The following DIAPH3 variants were observed in gnomAD, a reference collection of about 807,000 sequenced individuals.
The protein encoded by DIAPH3 is protein diaphanous homolog 3.
A neutral mutation model predicts 144.3 loss-of-function variants in DIAPH3; 117 were observed. The ratio of observed to expected loss-of-function variants is 0.81; its 90% CI spans 0.70 to 0.95. The LOEUF is 0.95. Ranked by LOEUF, DIAPH3 falls within the 40% of genes least tolerant of loss-of-function variation. The pLI, the probability that DIAPH3 is intolerant of heterozygous loss-of-function variation, is 0.00. For synonymous variants in DIAPH3, 519 were observed against 488.9 expected, an observed-to-expected ratio of 1.06 and a Z score of -0.81; for missense variants, 1,421 against 1,412.7, an observed-to-expected ratio of 1.01 and a Z score of -0.09.
At chr13:59,685,804 A>G (rs1251688585) in intron 27 of DIAPH3, among the ~76,000 whole-genome samples, 2 of 152,150 alleles carry the variant, frequency 1.3e-5, no homozygotes, top group South Asian at 4.1e-4. Flanking sequence ...ACAGGCTTAA[A>G]GATTTTGTAG....
intron 2 of DIAPH3, among the ~76,000 whole-genome samples, chr13:60,123,048 G>C (rs368051290): frequency 6.6e-6 from 1 of 151,920 alleles, no homozygotes; most frequent in Non-Finnish European, 1.5e-5. Flanking sequence ...ATCAATAATC[G>C]CTTTCTACTT....
intron 20 of DIAPH3, among the ~76,000 whole-genome samples, chr13:59,888,907 G>C (rs2045617547): frequency 6.6e-6 from 1 of 151,776 alleles, no homozygotes; most frequent in Admixed American, 6.6e-5. Context: ...TGAGCTTCTT[G>C]CATTTTAAAC....
intron 4 of DIAPH3, among the ~76,000 whole-genome samples, chr13:60,058,277 A>T (rs569659944): frequency 2.0e-5 from 3 of 151,710 alleles, no homozygotes; most frequent in African/African-American, 2.4e-5. Context: ...ATAAATGGAC[A>T]AAAAAAATGA....
intron 5 of DIAPH3, among the ~76,000 whole-genome samples, chr13:60,019,775 G>C (rs1474759035): frequency 1.3e-5 from 2 of 152,084 alleles, no homozygotes; most frequent in Non-Finnish European, 2.9e-5. Flanking sequence ...CATGTTGTTG[G>C]CTTTAATACA....
At chr13:59,867,749 T>C (rs1186239362) in intron 21 of DIAPH3, among the ~76,000 whole-genome samples, 2 of 152,068 alleles carry the variant, frequency 1.3e-5, no homozygotes, top group African/African-American at 4.8e-5. Context: ...ACTGCCCCCT[T>C]TTTCCTGCAA....
At chr13:59,677,694 A>G (rs1486437515) in intron 27 of DIAPH3, among the ~76,000 whole-genome samples, 1 of 152,140 alleles carries the variant, frequency 6.6e-6, no homozygotes, top group Non-Finnish European at 1.5e-5. Context: ...GCTATTACCT[A>G]TACATTATGT....
chr13:59,883,756 A>G (rs1407922153), intron 20 of DIAPH3, among the ~76,000 whole-genome samples: 1 of 151,468 alleles, frequency 6.6e-6, no homozygotes, highest in Non-Finnish European at 1.5e-5. Flanking sequence ...ACAATTTACA[A>G]ACCATCTGGA....
chr13:59,868,942 A>G (rs936781765), intron 21 of DIAPH3, among the ~76,000 whole-genome samples: 2 of 152,196 alleles, frequency 1.3e-5, no homozygotes, highest in African/African-American at 4.8e-5. Context: ...AAATGAATAT[A>G]CCACAGTTTA....
intron 10 of DIAPH3, 56 bp downstream of exon 10, chr13:59,992,417 C>G (rs2051884377): frequency 1.4e-6 from 2 of 1,386,016 alleles, no homozygotes; most frequent in Admixed American, 1.9e-5. Flanking sequence ...TAAATTTCCC[C>G]CTACTCAAGT....
chr13:59,847,606 C>T (rs2042719582), intron 22 of DIAPH3, among the ~76,000 whole-genome samples: 1 of 152,148 alleles, frequency 6.6e-6, no homozygotes, highest in Non-Finnish European at 1.5e-5. Context: ...ATAAGAGGTG[C>T]ATAACAGAAA....
At chr13:60,117,913 AT>A (rs1368032525) in intron 2 of DIAPH3, among the ~76,000 whole-genome samples, 3 of 152,150 alleles carry the variant, frequency 2.0e-5, no homozygotes, top group African/African-American at 7.2e-5. Flanking sequence ...ATAATTTTAT[AT>A]GAAATTCTCC....
chr13:59,978,542 C>T (rs952323826), intron 14 of DIAPH3, among the ~76,000 whole-genome samples: 3 of 151,662 alleles, frequency 2.0e-5, no homozygotes, highest in Admixed American at 2.0e-4. Flanking sequence ...ATAATGAGTA[C>T]ATTCTAAGAA....
At chr13:59,757,679 C>G (rs567200638) in intron 27 of DIAPH3, among the ~76,000 whole-genome samples, 1 of 152,144 alleles carries the variant, frequency 6.6e-6, no homozygotes, top group East Asian at 1.9e-4. Context: ...GGATTACAGG[C>G]GTGAGCCACC....
At chr13:59,969,694 T>C (rs2050247965) in intron 17 of DIAPH3, among the ~76,000 whole-genome samples, 1 of 152,196 alleles carries the variant, frequency 6.6e-6, no homozygotes, top group Non-Finnish European at 1.5e-5. Context: ...TTTATCCCAA[T>C]GGAATATCTT....
intron 4 of DIAPH3, among the ~76,000 whole-genome samples, chr13:60,057,262 A>G (rs2141274190): frequency 6.6e-6 from 1 of 152,086 alleles, no homozygotes; most frequent in East Asian, 1.9e-4. Context: ...ACAACAACCA[A>G]GCTGAGAATC....
Position 59,750,937 on chromosome 13 carries a change from C to A in DIAPH3, c.3319+23252G>T, listed in dbSNP as rs187675465. ...TTCCCTCTCCCAGATCAACAGTTGT[C>A]AGGGTCTGAGTCAAGCTGTGCTTCT... is the stretch of plus-strand genomic sequence containing the variant. On this transcript the variant is annotated intron_variant, in intron 27 of 27. Transcript: ENST00000400324. 2.0e-5 allele frequency among the ~76,000 whole-genome samples: 3 copies of A among 152,352 alleles called. No homozygotes were observed. In the East Asian group the frequency reaches 5.8e-4, roughly 29 times the overall value.
At chr13:59,970,691 A>G (rs2050313845) in intron 16 of DIAPH3, among the ~76,000 whole-genome samples, 161 bp downstream of exon 16, 1 of 152,200 alleles carries the variant, frequency 6.6e-6, no homozygotes, top group Non-Finnish European at 1.5e-5. Flanking sequence ...TTAAAAAAAA[A>G]GCTATTTTAT....
chr13:60,016,851 C>T (rs2053685184), intron 5 of DIAPH3, among the ~76,000 whole-genome samples: 1 of 152,106 alleles, frequency 6.6e-6, no homozygotes, highest in African/African-American at 2.4e-5. Flanking sequence ...CAATCACAGG[C>T]CTTTACATAA....
chr13:59,974,319 T>A (rs2050551678), intron 15 of DIAPH3, 33 bp downstream of exon 15: 2 of 1,543,936 alleles, frequency 1.3e-6, no homozygotes, highest in Non-Finnish European at 1.8e-6. Context: ...ACTGTGTTTT[T>A]AATACCCAAA....
Sources: gnomAD v4.1 joint callset for allele counts (sites outside exome capture counted in the v4.1 genomes callset) on GRCh38, gnomAD v4.1.1 for gene constraint, MANE v1.5 for transcripts, NCBI Gene and HGNC (gene_info 2026-07-23, HGNC 2026-07-21) for gene names.